Variants in LOXL3 observed in about 807,000 individuals in gnomAD.
The protein encoded by LOXL3 is lysyl oxidase homolog 3.
In LOXL3, 60 loss-of-function variants were observed where a neutral mutation model predicts 91.8. The observed-to-expected ratio is 0.65, with a 90% CI of 0.53 to 0.81. The LOEUF (loss-of-function observed/expected upper bound fraction) is 0.81. LOXL3 is among the 30% of genes least tolerant of loss of function. The probability of loss-of-function intolerance (pLI) is 0.00; values close to 1 mark genes in which losing one functional copy is unlikely to be tolerated. For missense variants in LOXL3, 874 were observed against 1,000.4 expected, an observed-to-expected ratio of 0.87 and a Z score of 1.70; for synonymous variants, 355 against 387.6, an observed-to-expected ratio of 0.92 and a Z score of 0.99.
intron 4 of LOXL3, among the ~76,000 whole-genome samples, chr2:74,543,899 TCAA>T (rs1676458648): frequency 4.1e-5 from 2 of 49,322 alleles, no homozygotes; most frequent in Non-Finnish European, 6.8e-5. Context: ...AGGCTCTGTC[TCAA>T]AAAAAAAAAA....
At chr2:74,550,533 T>C (rs1015558899) in intron 2 of LOXL3, among the ~76,000 whole-genome samples, 185 bp from the exon 3 acceptor site, 1 of 151,924 alleles carries the variant, frequency 6.6e-6, no homozygotes, top group Non-Finnish European at 1.5e-5. Context: ...GGCATAAGAT[T>C]GAGGGAAAAT....
intron 4 of LOXL3, among the ~76,000 whole-genome samples, chr2:74,544,086 C>T (rs974665400): frequency 2.0e-5 from 3 of 151,930 alleles, no homozygotes; most frequent in Admixed American, 1.3e-4. Flanking sequence ...GGCGGATCAC[C>T]TGAGGTCAGG....
In LOXL3 at chr2:74,536,010, C is replaced by G. The variant is rs1335724227; in HGVS notation, c.1234G>C (p.Gly412Arg). The change falls in exon 7 of 14, where the codon GGG becomes CGG. Residue 412 changes from glycine (G) to arginine (R), a missense_variant. Transcript: ENST00000264094. This position sits in a 1 kb window ranked among gnomAD's most constrained non-coding sequence, Gnocchi z 4.5. ...AGVRCNLPYTGAETRIRLSGG... is the reference protein window; with the variant it reads ...AGVRCNLPYTRAETRIRLSGG... ...GGATGACTGACCCTGGTCTCTGCCC[C>G]AGTGTAAGGTAGGTTGCACCGGACC... 1 of 1,579,150 alleles carries G rather than the reference C, an allele frequency of 6.3e-7. No individual in the cohort carries two copies. Among genetic ancestry groups the G allele is most frequent in the Non-Finnish European group, 8.6e-7 (1 of 1,164,220 alleles).
chr2:74,547,563 T>C (rs1045539491), intron 4 of LOXL3, among the ~76,000 whole-genome samples: 2 of 151,762 alleles, frequency 1.3e-5, no homozygotes, highest in Non-Finnish European at 1.5e-5. Flanking sequence ...CCAGATAAAG[T>C]ACCGAAAGTC....
At position 74,535,530 on chromosome 2, in the gene LOXL3, C is replaced by T; in HGVS notation, c.1416+58G>A. On this transcript the variant is annotated intron_variant, in intron 8 of 13. Transcript: ENST00000264094. This position sits in a 1 kb window ranked among gnomAD's most constrained non-coding sequence, Gnocchi z 4.2. ...GCCAAGGGACTCATTCCTCAGCCCT[C>T]TGCCCAAAACACAGGCTTTGAGACA... The T allele has an allele frequency of 5.6e-6, 9 of 1,611,498 alleles. No individual in the cohort carries two copies. The highest frequency in any genetic ancestry group is 7.6e-6 in the Non-Finnish European group (9 of 1,179,618).
At chr2:74,533,825 T>C in intron 13 of LOXL3, 57 bp downstream of exon 13, 1 of 1,497,364 alleles carries the variant, frequency 6.7e-7, no homozygotes, top group East Asian at 2.3e-5. Flanking sequence ...GAAAAGAGAA[T>C]GAACGTCTTT....
chr2:74,551,949 C>T (rs1445642234), intron 2 of LOXL3, among the ~76,000 whole-genome samples: 1 of 152,270 alleles, frequency 6.6e-6, no homozygotes, highest in Non-Finnish European at 1.5e-5. Context: ...GACTTTGGGA[C>T]ATCCAGATAT....
In LOXL3 at chr2:74,536,131, C is replaced by T. The variant is rs17010022; in HGVS notation, c.1113G>A (p.Leu371=). The T allele has an allele frequency of 3.1e-6, 5 of 1,613,744 alleles. No homozygotes were observed. The highest frequency in any genetic ancestry group is 3.4e-6 in the Non-Finnish European group (4 of 1,180,032). Residue 371 remains leucine, a synonymous_variant, in exon 7 of 14, where the codon CTG becomes CTA. Coordinates refer to ENST00000264094, the MANE Select transcript of LOXL3 (RefSeq NM_032603.5). The surrounding 1 kb of genome is among the most constrained non-coding windows in gnomAD (Gnocchi z 4.5). The stretch of plus-strand genomic sequence containing the variant: ...CCTGTCCAGAGCAGCGAACTTCACT[C>T]AGGTGGATAGCACCCATGCCTAGGG... ...RMGQGMGAIH[L]SEVRCSGQEL...
In LOXL3 at chr2:74,549,797, A is replaced by G; in HGVS notation, c.478-214T>C. 1.4e-6 allele frequency: 2 copies of G among 1,414,336 alleles called. No homozygotes were observed. Among genetic ancestry groups the G allele is most frequent in the Non-Finnish European group, 1.8e-6 (2 of 1,088,318 alleles). The allele number at this position is 1,414,336 out of a possible 1,614,324, so 87.6% of individuals were successfully genotyped here. On this transcript the variant is annotated intron_variant, in intron 3 of 13. Transcript: ENST00000264094. The surrounding 1 kb of genome is among the most constrained non-coding windows in gnomAD (Gnocchi z 5.3). ...GGGATGTGCTGTGCTCCCAGAGAGG[A>G]TTCAGGGCACTAGGAAGGAGGCCCT...
At position 74,550,282 on chromosome 2, in the gene LOXL3, C is replaced by T. The variant is rs1015611082; in HGVS notation, c.380G>A (p.Arg127Gln). The change falls in exon 3 of 14, where the codon CGG becomes CAG. Residue 127 changes from arginine (R) to glutamine (Q), a missense_variant. Physicochemically the swap from Arg to Gln is conservative, Grantham distance 43 (BLOSUM62 1). Transcript: ENST00000264094. ...CGTACAGTCACTGTTCCCCCAGCCCCGGGAGGCACATTCAGTCACACTCTG... is the reference window on the plus strand; with the variant it reads ...CGTACAGTCACTGTTCCCCCAGCCCTGGGAGGCACATTCAGTCACACTCTG... Reference protein sequence around the residue: ...TEQSVTECASRGWGNSDCTHD... With the variant: ...TEQSVTECASQGWGNSDCTHD... 9.3e-6 allele frequency: 15 copies of T among 1,614,158 alleles called. No individual in the cohort carries two copies. Among genetic ancestry groups the T allele is most frequent in the South Asian group, 4.4e-5 (4 of 91,084 alleles).
At position 74,535,637 on chromosome 2, in the gene LOXL3, A is replaced by G. The variant is rs1675970654; in HGVS notation, c.1367T>C (p.Met456Thr). 1 of 1,613,828 alleles carries G rather than the reference A, an allele frequency of 6.2e-7. No individual in the cohort carries two copies. The highest frequency in any genetic ancestry group is 1.3e-5 in the African/African-American group (1 of 74,894). Reference sequence around the variant, plus strand: ...CAGACCCAGTTGCCTACAGGCCACCATGGCCTCCAGGGTCCCCCAGTCATC... The same window carrying G: ...CAGACCCAGTTGCCTACAGGCCACCGTGGCCTCCAGGGTCCCCCAGTCATC... The part of the protein sequence containing the change: ...CGDDWGTLEA[M>T]VACRQLGLGY... Residue 456 changes from methionine (M) to threonine (T), a missense_variant, in exon 8 of 14, where the codon ATG (methionine) becomes ACG (threonine). Met to Thr is a moderately conservative substitution (Grantham distance 81). Coordinates refer to ENST00000264094, the MANE Select transcript of LOXL3 (RefSeq NM_032603.5). The surrounding 1 kb of genome is among the most constrained non-coding windows in gnomAD (Gnocchi z 4.2).
rs763423249 is a variant in LOXL3, at chr2:74,533,609, G to C, written c.2259C>G (p.Ile753Met). The C allele has an allele frequency of 1.2e-5, 19 of 1,613,918 alleles. 1 individual carries two copies. In the Admixed American group the frequency reaches 1.3e-4, roughly 11 times the overall value. ...GGTTTGCAGAGGGCAGTGGCACTTA[G>C]ATAATCTGGTTGCTGGTCTGGCCAG... ...RYPGQTSNQI[I>M] The change falls in exon 14 of 14, where the codon ATC becomes ATG. Residue 753 changes from isoleucine (I) to methionine (M), a missense_variant. Physicochemically the swap from Ile to Met is conservative, Grantham distance 10. Coordinates refer to ENST00000264094, the MANE Select transcript of LOXL3 (RefSeq NM_032603.5).
At chr2:74,547,372 G>A (rs1676657404) in intron 4 of LOXL3, among the ~76,000 whole-genome samples, 1 of 152,098 alleles carries the variant, frequency 6.6e-6, no homozygotes, top group South Asian at 2.1e-4. Context: ...TGGGTGAGTG[G>A]ATCTCTACAC....
rs373368024 is a variant in LOXL3 at position 74,552,466 on chromosome 2, G to A, written c.169C>T (p.Arg57Cys). Residue 57 changes from arginine (R) to cysteine (C), a missense_variant, in exon 2 of 14, where the codon CGC (arginine) becomes TGC (cysteine). Transcript: ENST00000264094. ...AGFPRKPYEGRVEIQRAGEWG... is the reference protein window; with the variant it reads ...AGFPRKPYEGCVEIQRAGEWG... ...TCACCAGCTCGCTGTATCTCCACGCGGCCCTCGTAGGGCTTCCTGGGGAAG... is the reference window on the plus strand; with the variant it reads ...TCACCAGCTCGCTGTATCTCCACGCAGCCCTCGTAGGGCTTCCTGGGGAAG... 7 of 1,613,558 alleles carry A rather than the reference G, an allele frequency of 4.3e-6. No individual in the cohort carries two copies. Among genetic ancestry groups the A allele is most frequent in the Admixed American group, 3.3e-5 (2 of 59,998 alleles).
chr2:74,543,899 T>TAAAAA (rs1352260802), intron 4 of LOXL3, among the ~76,000 whole-genome samples: 98 of 49,032 alleles, frequency 2.0e-3, no homozygotes, highest in East Asian at 0.013. Context: ...AGGCTCTGTC[T>TAAAAA]CAAAAAAAAA....
chr2:74,534,399 TAGTG>T lies in LOXL3; in HGVS notation c.1852_1855del (p.His618MetfsTer66). 2 of 1,614,200 alleles carry T rather than the reference TAGTG, an allele frequency of 1.2e-6. No homozygotes were observed. Among genetic ancestry groups the T allele is most frequent in the South Asian group, 1.1e-5 (1 of 91,082 alleles). On this transcript the variant is annotated frameshift_variant, in exon 11 of 14. Transcript: ENST00000264094. LOFTEE classifies it high-confidence loss of function. ...GGTGCCATTTGGGGTGAGGATATCATAGTGAGTGAAGATGTCCATGCTGTGGTAA... is the reference window on the plus strand; with the variant it reads ...GGTGCCATTTGGGGTGAGGATATCATAGTGAAGATGTCCATGCTGTGGTAA...
chr2:74,543,480 T>C (rs942966836), intron 4 of LOXL3, among the ~76,000 whole-genome samples: 1 of 152,188 alleles, frequency 6.6e-6, no homozygotes, highest in Non-Finnish European at 1.5e-5. Flanking sequence ...TCCTGACTTC[T>C]CCCTTTCTTG....
chr2:74,546,000 A>G (rs893945548), intron 4 of LOXL3, among the ~76,000 whole-genome samples: 1 of 152,140 alleles, frequency 6.6e-6, no homozygotes, highest in East Asian at 1.9e-4. Flanking sequence ...CCAACAAAAC[A>G]TGCTCCATTC....
At chr2:74,548,851 ACG>A (rs1452605853) in intron 4 of LOXL3, among the ~76,000 whole-genome samples, 1 of 151,622 alleles carries the variant, frequency 6.6e-6, no homozygotes, top group Non-Finnish European at 1.5e-5. Flanking sequence ...GCGTTCACAT[ACG>A]CGCCCCGCCC....
Sources: gnomAD v4.1 joint callset for allele counts (sites outside exome capture counted in the v4.1 genomes callset) on GRCh38, gnomAD v4.1.1 for gene constraint, Gnocchi (gnomAD v3.1) non-coding constraint, MANE v1.5 for transcripts, NCBI Gene and HGNC (gene_info 2026-07-23, HGNC 2026-07-21) for gene names.